The following TCF4 variants were observed in gnomAD, a reference collection of about 807,000 sequenced individuals.
TCF4 encodes SL3-3 enhancer factor 2.
Under a neutral mutation model 82.1 loss-of-function variants are expected in TCF4, and 3 were observed. That is an observed-to-expected ratio of 0.04 (90% CI 0.02 to 0.09). TCF4 has a LOEUF of 0.09. TCF4 is among the 10% of genes least tolerant of loss of function. The pLI, the probability that TCF4 is intolerant of heterozygous loss-of-function variation, is 1.00. For missense variants in TCF4, 518 were observed against 852.7 expected (o/e 0.61, Z 4.89); for synonymous variants, 276 against 309.6 (o/e 0.89, Z 1.14).
chr18:55,546,531 G>A (rs1222353427), intron 3 of TCF4, among the ~76,000 whole-genome samples: 1 of 152,134 alleles, frequency 6.6e-6, no homozygotes, highest in African/African-American at 2.4e-5. Context: ...AATAATGAGA[G>A]TGACCAGAAA....
At chr18:55,454,044 G>A (rs985967517) in intron 5 of TCF4, among the ~76,000 whole-genome samples, 1 of 151,984 alleles carries the variant, frequency 6.6e-6, no homozygotes, top group East Asian at 1.9e-4. Context: ...TTTATTATCT[G>A]TAGAAACAGG....
At chr18:55,425,140 G>C (rs192104010) in intron 5 of TCF4, among the ~76,000 whole-genome samples, 101 of 152,306 alleles carry the variant, frequency 6.6e-4, no homozygotes, top group Admixed American at 1.0e-3. Context: ...TCATGTAATG[G>C]TGGAAAAAAT....
chr18:55,302,743 G>A lies in TCF4; in HGVS notation c.550-23087C>T, dbSNP rs567498236. On this transcript the variant is annotated intron_variant, in intron 8 of 19. Coordinates refer to ENST00000354452, the MANE Select transcript of TCF4 (RefSeq NM_001083962.2). ...GTGGGACAAGCCCAGCCACCCAAAT[G>A]ACCAGGCATGAGGCGTCCCCTGGAT... 2.8e-4 allele frequency: 228 copies of A among 817,538 alleles called. No individual in the cohort carries two copies. In the Middle Eastern group the frequency reaches 3.6e-3, roughly 13 times the overall value. The allele number at this position is 817,538 out of a possible 1,614,324, so 50.6% of individuals were successfully genotyped here. A position where few individuals can be genotyped will look rare whatever the true frequency, so the allele number is the denominator to read the frequency against.
At chr18:55,585,606 G>T in intron 2 of TCF4, 1 of 599,026 alleles carries the variant, frequency 1.7e-6, no homozygotes, top group Non-Finnish European at 2.7e-6. Flanking sequence ...GCTACATTTG[G>T]AACAAACACA....
intron 8 of TCF4, among the ~76,000 whole-genome samples, chr18:55,337,547 C>A (rs72925096): frequency 1.4e-4 from 21 of 152,212 alleles, no homozygotes; most frequent in Non-Finnish European, 2.2e-4. Context: ...ATGTGGCTAA[C>A]CAAAAAGCAA....
chr18:55,322,090 TTC>T (rs2075654269), intron 8 of TCF4: 1 of 1,085,776 alleles, frequency 9.2e-7, no homozygotes, highest in Non-Finnish European at 1.1e-6. Flanking sequence ...TCTTTTTCTT[TTC>T]TTTTTTTTTT....
rs1603448298 is a variant in TCF4, at chr18:55,403,343, T to TG, written c.369+110dup. 4 of 1,214,084 alleles carry TG rather than the reference T, an allele frequency of 3.3e-6. No homozygotes were observed. The East Asian group carries it at 9.3e-5, about 28-fold the overall frequency. The allele number at this position is 1,214,084 out of a possible 1,614,324, so 75.2% of individuals were successfully genotyped here. ...TTAAAGAGAGAGCCATCATCTGACT[T>TG]GCCGGTGCATCTTTGGTGTCACAGT... On this transcript the variant is annotated intron_variant, in intron 6 of 19. Coordinates refer to ENST00000354452, the MANE Select transcript of TCF4 (RefSeq NM_001083962.2).
At chr18:55,612,952 A>T (rs1273033637) in intron 2 of TCF4, among the ~76,000 whole-genome samples, 3 of 151,890 alleles carry the variant, frequency 2.0e-5, no homozygotes, top group Non-Finnish European at 4.4e-5. Flanking sequence ...TGTCTCAAAA[A>T]ATATATATAT....
At chr18:55,267,574 T>C (rs774579128) in intron 11 of TCF4, 18 of 152,278 alleles carry the variant, frequency 1.2e-4, no homozygotes, top group Non-Finnish European at 1.9e-4. Flanking sequence ...TTGGTGAACA[T>C]ATTATTTTAA....
At chr18:55,434,147 T>C (rs2095270355) in intron 5 of TCF4, among the ~76,000 whole-genome samples, 2 of 152,166 alleles carry the variant, frequency 1.3e-5, no homozygotes. Context: ...TCAACTACAT[T>C]TCTCCTTTTG....
At chr18:55,483,246 A>G (rs1437301117) in intron 3 of TCF4, among the ~76,000 whole-genome samples, 1 of 152,244 alleles carries the variant, frequency 6.6e-6, no homozygotes, top group Non-Finnish European at 1.5e-5. Context: ...GACTTTGAGA[A>G]GAATACCTAA....
intron 4 of TCF4, among the ~76,000 whole-genome samples, chr18:55,463,839 A>C (rs2095929833): frequency 6.6e-6 from 1 of 152,104 alleles, no homozygotes; most frequent in African/African-American, 2.4e-5. Context: ...GAATAACAGC[A>C]TCCAATAAGA....
intron 5 of TCF4, among the ~76,000 whole-genome samples, chr18:55,431,901 G>A (rs2095210455): frequency 6.6e-6 from 1 of 152,170 alleles, no homozygotes; most frequent in South Asian, 2.1e-4. Flanking sequence ...AGAGAAGCAA[G>A]AGGACATAGG....
intron 3 of TCF4, among the ~76,000 whole-genome samples, chr18:55,581,830 C>T (rs183828217): frequency 1.6e-4 from 24 of 152,172 alleles, no homozygotes; most frequent in Middle Eastern, 3.4e-3. Flanking sequence ...TGTGTTTTAA[C>T]GCTGCTCTTA....
At chr18:55,396,435 T>C (rs973519475) in intron 6 of TCF4, among the ~76,000 whole-genome samples, 5 of 152,184 alleles carry the variant, frequency 3.3e-5, no homozygotes, top group Non-Finnish European at 7.3e-5. Flanking sequence ...CTATCAACCA[T>C]GTCTGGATTG....
At chr18:55,301,944 G>GA (rs1199895182) in intron 8 of TCF4, among the ~76,000 whole-genome samples, 4 of 152,070 alleles carry the variant, frequency 2.6e-5, no homozygotes, top group Admixed American at 1.3e-4. Context: ...CCGTTTCTGA[G>GA]AAAAAAAGAT....
intron 2 of TCF4, among the ~76,000 whole-genome samples, chr18:55,610,115 G>A (rs2097705762): frequency 6.6e-6 from 1 of 152,160 alleles, no homozygotes; most frequent in Non-Finnish European, 1.5e-5. Flanking sequence ...TTTGGAATGA[G>A]TGAATGAATA....
chr18:55,291,894 T>C (rs2146617339), intron 8 of TCF4, among the ~76,000 whole-genome samples: 1 of 152,268 alleles, frequency 6.6e-6, no homozygotes, highest in Non-Finnish European at 1.5e-5. Flanking sequence ...AATAAGCAAC[T>C]AGAAAATGTG....
intron 3 of TCF4, among the ~76,000 whole-genome samples, chr18:55,536,793 T>A (rs2097119724): frequency 6.6e-6 from 1 of 152,228 alleles, no homozygotes; most frequent in Non-Finnish European, 1.5e-5. Flanking sequence ...AAATTTTGTA[T>A]GTATGTATAT....
Sources: gnomAD v4.1 joint callset for allele counts (sites outside exome capture counted in the v4.1 genomes callset) on GRCh38, gnomAD v4.1.1 for gene constraint, MANE v1.5 for transcripts, NCBI Gene and HGNC (gene_info 2026-07-23, HGNC 2026-07-21) for gene names.